Variants in PPP2CA observed in about 807,000 individuals in gnomAD.
The protein encoded by PPP2CA is protein phosphatase 2 catalytic subunit alpha, also known as serine/threonine-protein phosphatase 2A catalytic subunit alpha isoform.
PPP2CA carries 5 observed loss-of-function variants against 38.8 expected under a neutral mutation model. That is an observed-to-expected ratio of 0.13 (90% CI 0.07 to 0.27). PPP2CA has a LOEUF of 0.27. Among genes scored for constraint, PPP2CA ranks in the 10% least tolerant of loss-of-function variants. PPP2CA has a pLI of 1.00. For missense variants in PPP2CA, 88 were observed against 389.7 expected (o/e 0.23, Z 6.52); for synonymous variants, 152 against 134.0 (o/e 1.13, Z -0.93).
chr5:134,212,899 A>G (rs1305242485), intron 1 of PPP2CA, among the ~76,000 whole-genome samples: 1 of 152,210 alleles, frequency 6.6e-6, no homozygotes, highest in Non-Finnish European at 1.5e-5. Flanking sequence ...TCAATTCTAT[A>G]AAGGCTAATA....
chr5:134,201,531 A>C (rs1397897481), intron 3 of PPP2CA, among the ~76,000 whole-genome samples: 1 of 152,198 alleles, frequency 6.6e-6, no homozygotes, highest in Non-Finnish European at 1.5e-5. Context: ...TTTTGTGTGC[A>C]CATCTACCTA....
intron 1 of PPP2CA, among the ~76,000 whole-genome samples, chr5:134,212,145 A>G (rs1762218371): frequency 6.6e-6 from 1 of 152,016 alleles, no homozygotes; most frequent in South Asian, 2.1e-4. Flanking sequence ...AAGAGCACAC[A>G]ATAACTACAG....
At chr5:134,223,142 G>A (rs1386659133) in intron 1 of PPP2CA, among the ~76,000 whole-genome samples, 1 of 152,072 alleles carries the variant, frequency 6.6e-6, no homozygotes, top group Non-Finnish European at 1.5e-5. Context: ...TATGATTGAA[G>A]AAATTATCAA....
chr5:134,206,163 A>G lies in PPP2CA; in HGVS notation c.103-32T>C, dbSNP rs746663507. On this transcript the variant is annotated intron_variant, in intron 1 of 6. Coordinates refer to ENST00000481195, the MANE Select transcript of PPP2CA (RefSeq NM_002715.4). ...ATGGGAGACAAAAATAAGGCAATAC[A>G]TTTGGCATTAAACAATATTAACAAA... The G allele has an allele frequency of 1.2e-5, 18 of 1,551,314 alleles. No individual in the cohort carries two copies. The East Asian group carries it at 4.0e-4, about 35-fold the overall frequency.
intron 1 of PPP2CA, among the ~76,000 whole-genome samples, chr5:134,219,626 T>C (rs541940978): frequency 1.2e-4 from 18 of 152,294 alleles, no homozygotes; most frequent in Admixed American, 6.5e-5. Flanking sequence ...GATTCAGATA[T>C]ACACGCATCT....
intron 1 of PPP2CA, among the ~76,000 whole-genome samples, chr5:134,211,258 T>C (rs1424427520): frequency 1.3e-5 from 2 of 152,084 alleles, no homozygotes; most frequent in Non-Finnish European, 2.9e-5. Flanking sequence ...GGACACTATC[T>C]TATTACCAAT....
chr5:134,210,120 A>C (rs1762173930), intron 1 of PPP2CA, among the ~76,000 whole-genome samples: 1 of 152,016 alleles, frequency 6.6e-6, no homozygotes, highest in South Asian at 2.1e-4. Context: ...AAAAAAAAAA[A>C]ACTAAAAACA....
At chr5:134,208,119 T>A (rs1199061999) in intron 1 of PPP2CA, among the ~76,000 whole-genome samples, 1 of 152,160 alleles carries the variant, frequency 6.6e-6, no homozygotes, top group Non-Finnish European at 1.5e-5. Flanking sequence ...TAAAAGGGCA[T>A]GACATAAGCA....
chr5:134,200,204 G>T, intron 5 of PPP2CA, 131 bp downstream of exon 5: 1 of 1,007,336 alleles, frequency 9.9e-7, no homozygotes, highest in Non-Finnish European at 1.4e-6. Flanking sequence ...AAAGGCTCAG[G>T]CTATAATGAT....
intron 1 of PPP2CA, among the ~76,000 whole-genome samples, chr5:134,218,352 T>C (rs1486047973): frequency 6.6e-6 from 1 of 152,178 alleles, no homozygotes; most frequent in Non-Finnish European, 1.5e-5. Context: ...ATTTGTGAGT[T>C]TTCCCATCTG....
chr5:134,196,890 G>A lies in PPP2CA; in HGVS notation c.*882C>T, dbSNP rs937292079. ...CCCACAAAGTGCACACCAACAATGT[G>A]ACAAATTGTAATATGTGAAATACAA... On this transcript the variant is annotated 3_prime_UTR_variant, in exon 7 of 7. Transcript: ENST00000481195. 4 of 152,582 alleles carry A rather than the reference G, an allele frequency of 2.6e-5. No homozygotes were observed. The highest frequency in any genetic ancestry group is 5.9e-5 in the Non-Finnish European group (4 of 68,036). The allele number at this position is 152,582 out of a possible 1,614,324, so 9.5% of individuals were successfully genotyped here.
At chr5:134,221,077 A>G (rs1762430831) in intron 1 of PPP2CA, among the ~76,000 whole-genome samples, 1 of 152,160 alleles carries the variant, frequency 6.6e-6, no homozygotes, top group African/African-American at 2.4e-5. Context: ...CACATGCATG[A>G]CATTTGACTG....
At chr5:134,199,047 T>C in intron 6 of PPP2CA, 39 bp downstream of exon 6, 1 of 1,474,556 alleles carries the variant, frequency 6.8e-7, no homozygotes, top group Non-Finnish European at 9.5e-7. Context: ...ACCCTACATA[T>C]TCAGTAATGC....
At chr5:134,224,573 C>T (rs565895237) in intron 1 of PPP2CA, among the ~76,000 whole-genome samples, 49 of 152,274 alleles carry the variant, frequency 3.2e-4, no homozygotes, top group South Asian at 8.3e-4. Flanking sequence ...CTATTCTGTA[C>T]TAAAGTGACG....
chr5:134,224,336 G>A (rs1160365803), intron 1 of PPP2CA: 1 of 453,836 alleles, frequency 2.2e-6, no homozygotes, highest in East Asian at 7.0e-5. Context: ...CAGATGATGT[G>A]CCACCTCATC....
At chr5:134,199,651 C>G (rs1313537967) in intron 5 of PPP2CA, among the ~76,000 whole-genome samples, 1 of 152,202 alleles carries the variant, frequency 6.6e-6, no homozygotes, top group Non-Finnish European at 1.5e-5. Flanking sequence ...TTGTCAGTCA[C>G]AGGTAAAGGC....
At chr5:134,198,727 G>A (rs748544158) in intron 6 of PPP2CA, among the ~76,000 whole-genome samples, 12 of 151,974 alleles carry the variant, frequency 7.9e-5, no homozygotes, top group Non-Finnish European at 1.3e-4. Context: ...CACCATGCTG[G>A]GCTAATTTTT....
At chr5:134,222,462 TTAATGAC>T (rs1762466303) in intron 1 of PPP2CA, among the ~76,000 whole-genome samples, 1 of 152,188 alleles carries the variant, frequency 6.6e-6, no homozygotes, top group Non-Finnish European at 1.5e-5. Context: ...AACTAACATT[TTAATGAC>T]TAATGACTGC....
At chr5:134,214,540 T>C (rs1276822265) in intron 1 of PPP2CA, among the ~76,000 whole-genome samples, 1 of 152,214 alleles carries the variant, frequency 6.6e-6, no homozygotes, top group Non-Finnish European at 1.5e-5. Flanking sequence ...AATATACTCA[T>C]TCTCAGCTAT....
Sources: allele counts gnomAD v4.1 joint callset (sites outside exome capture counted in the v4.1 genomes callset), GRCh38; gene constraint gnomAD v4.1.1; transcripts MANE v1.5; gene names NCBI Gene and HGNC (gene_info 2026-07-23, HGNC 2026-07-21).